IRX6: variants seen among roughly 807,000 people sequenced by gnomAD.
IRX6 encodes iroquois homeobox 6.
A neutral mutation model predicts 47.7 loss-of-function variants in IRX6; 46 were observed. That is an observed-to-expected ratio of 0.96 (90% CI 0.76 to 1.23). The LOEUF is 1.23. IRX6 is among the 50% of genes most tolerant of loss of function. IRX6 has a pLI of 0.00. For missense variants in IRX6, 722 were observed against 588.0 expected (o/e 1.23, Z -2.36); for synonymous variants, 265 against 246.2 (o/e 1.08, Z -0.72).
chr16:55,327,970 G>C (rs1960567204), intron 4 of IRX6, 77 bp downstream of exon 4: 1 of 1,440,620 alleles, frequency 6.9e-7, no homozygotes, highest in Non-Finnish European at 9.3e-7. Flanking sequence ...AAGCTGCCCT[G>C]TAGGGTAGAT....
At chr16:55,327,244 A>G (rs1170635318) in intron 2 of IRX6, 52 bp from the exon 3 acceptor site, 4 of 1,316,010 alleles carry the variant, frequency 3.0e-6, no homozygotes, top group Non-Finnish European at 4.4e-6. Context: ...CTACCACCCC[A>G]TGTGCCCCCT....
At position 55,324,693 on chromosome 16, in the gene IRX6, G is replaced by A. The variant is rs1402226306; in HGVS notation, c.-399G>A. On this transcript the variant is annotated 5_prime_UTR_variant, in exon 1 of 6. Coordinates refer to ENST00000290552, the MANE Select transcript of IRX6 (RefSeq NM_024335.3). The surrounding 1 kb of genome is among the most constrained non-coding windows in gnomAD (Gnocchi z 4.4). Reference sequence around the variant, plus strand: ...GGTGGCCCAGGGTCCCGGGGCCCGGGGTCCCGTCTGGCGGCCCGGGATTAC... The same window carrying A: ...GGTGGCCCAGGGTCCCGGGGCCCGGAGTCCCGTCTGGCGGCCCGGGATTAC... 9.1e-6 allele frequency: 2 copies of A among 218,686 alleles called. No individual in the cohort carries two copies. The highest frequency in any genetic ancestry group is 1.8e-5 in the Non-Finnish European group (2 of 110,002). The allele number at this position is 218,686 out of a possible 1,614,324, so 13.5% of individuals were successfully genotyped here.
In IRX6 at chr16:55,328,788, A is replaced by G. The variant is rs765805944; in HGVS notation, c.810A>G (p.Glu270=). Residue 270 remains glutamate (E), a synonymous_variant, in exon 5 of 6, where the codon GAA becomes GAG. Coordinates refer to ENST00000290552, the MANE Select transcript of IRX6 (RefSeq NM_024335.3). ...AGGAGGAGGAGGAGGAGGAAGCTGA[A>G]GACGAGGAGGTAGTGGCCACAGCTG... ...EEEEEEEEEA[E]DEEVVATAGD... 1.2e-6 allele frequency: 2 copies of G among 1,613,178 alleles called. No homozygotes were observed. The highest frequency in any genetic ancestry group is 1.7e-6 in the Non-Finnish European group (2 of 1,180,014).
chr16:55,328,592 A>T (rs1960579076), intron 4 of IRX6, 108 bp from the exon 5 acceptor site: 1 of 1,099,982 alleles, frequency 9.1e-7, no homozygotes, highest in African/African-American at 1.6e-5. Flanking sequence ...TACACTGAGG[A>T]TGCCCTGAGT....
rs146683202 is a variant in IRX6 at position 55,328,791 on chromosome 16, C to T, written c.813C>T (p.Asp271=). The T allele has an allele frequency of 2.3e-5, 37 of 1,613,018 alleles. No homozygotes were observed. The highest frequency in any genetic ancestry group is 2.9e-5 in the Non-Finnish European group (34 of 1,180,020). ...AGGAGGAGGAGGAGGAAGCTGAAGA[C>T]GAGGAGGTAGTGGCCACAGCTGGGG... ...EEEEEEEEAE[D]EEVVATAGDR... The change falls in exon 5 of 6, where the codon GAC becomes GAT. Residue 271 remains aspartate, a synonymous_variant. Transcript: ENST00000290552.
Position 55,324,825 on chromosome 16 carries a change from C to A in IRX6, c.-267C>A, listed in dbSNP as rs1960480114. ...CCTCGCCACCACGCGCCTTTGGGAA[C>A]CCGCATCTTCTTCCTTCCCCTGCCC... On this transcript the variant is annotated 5_prime_UTR_variant, in exon 1 of 6. Transcript: ENST00000290552. This position sits in a 1 kb window ranked among gnomAD's most constrained non-coding sequence, Gnocchi z 4.4. The A allele has an allele frequency of 3.7e-6, 2 of 544,302 alleles. No individual in the cohort carries two copies. 33.7% of individuals were successfully genotyped at this position (544,302 alleles called of 1,614,324 possible).
rs1960591363 is a variant in IRX6 at position 55,328,983 on chromosome 16, C to A, written c.1005C>A (p.Gly335=). ...EEADFLSAET[G]SPRLTMHYPC... ...CTGACTTCCTCTCGGCGGAGACAGG[C>A]AGCCCTAGGTTGACCATGCACTACC... The change falls in exon 5 of 6, where the codon GGC becomes GGA. Residue 335 remains glycine, a synonymous_variant. Transcript: ENST00000290552. The A allele has an allele frequency of 6.2e-7, 1 of 1,613,612 alleles. No homozygotes were observed. Among genetic ancestry groups the A allele is most frequent in the Non-Finnish European group, 8.5e-7 (1 of 1,180,036 alleles).
chr16:55,325,198 G>A, intron 1 of IRX6, 62 bp downstream of exon 1: 4 of 1,532,816 alleles, frequency 2.6e-6, no homozygotes, highest in Non-Finnish European at 3.6e-6. Context: ...CTAGTGCACG[G>A]CGCCTGCCTC....
rs1393711644 is a variant in IRX6 at position 55,327,469 on chromosome 16, G to C, written c.413+64G>C. ...CTTTCCTCCCCCACTGCCAAGGTAG[G>C]GTGGATGGCGGCAGGGGAGAGGGAG... is the stretch of plus-strand genomic sequence containing the variant. On this transcript the variant is annotated intron_variant, in intron 3 of 5. Coordinates refer to ENST00000290552, the MANE Select transcript of IRX6 (RefSeq NM_024335.3). 8 of 1,566,496 alleles carry C rather than the reference G, an allele frequency of 5.1e-6. No homozygotes were observed. In the African/African-American group the frequency reaches 6.8e-5, roughly 13 times the overall value.
chr16:55,327,238 C>T (rs1960546556), intron 2 of IRX6, 58 bp from the exon 3 acceptor site: 2 of 1,240,438 alleles, frequency 1.6e-6, no homozygotes, highest in Non-Finnish European at 2.4e-6. Flanking sequence ...CCTTAGCTAC[C>T]ACCCCATGTG....
rs1960503784 is a variant in IRX6, at chr16:55,325,551, GAGAGAGAGAGAA to G, written c.45+419_45+430del. On this transcript the variant is annotated intron_variant, in intron 1 of 5. Coordinates refer to ENST00000290552, the MANE Select transcript of IRX6 (RefSeq NM_024335.3). ...GGAAGGAGAGAGAGAGAGAGAGAGA[GAGAGAGAGAGAA>G]AGAAAGAGAAAGAAAGAAAGAAGGA... 7.8e-5 allele frequency among the ~76,000 whole-genome samples: 6 copies of G among 76,600 alleles called. 1 individual carries two copies. Among genetic ancestry groups the G allele is most frequent in the African/African-American group, 2.4e-4 (4 of 16,644 alleles). The allele number at this position is 76,600 out of a possible 152,430, so 50.3% of individuals were successfully genotyped here.
chr16:55,330,166 A>G (rs533750914), intron 5 of IRX6, 132 bp from the exon 6 acceptor site: 39 of 793,276 alleles, frequency 4.9e-5, no homozygotes, highest in Non-Finnish European at 4.4e-5. Context: ...AACGGATCCA[A>G]ACATTACCTC....
At position 55,327,635 on chromosome 16, in the gene IRX6, C is replaced by T. The variant is rs374226357; in HGVS notation, c.463C>T (p.Arg155Trp). 1.7e-5 allele frequency: 28 copies of T among 1,611,396 alleles called. No individual in the cohort carries two copies. Among genetic ancestry groups the T allele is most frequent in the South Asian group, 7.7e-5 (7 of 90,868 alleles). Residue 155 changes from arginine to tryptophan, a missense_variant, in exon 4 of 6, where the codon CGG becomes TGG. By Grantham distance (101) the Arg-to-Trp change is moderately radical. Transcript: ENST00000290552. ...SGAGRRKNAT[R>W]ETTSTLKAWL... ...CGCCGGTCGCCGAAAGAACGCGACC[C>T]GGGAGACCACCAGTACACTCAAGGC...
Position 55,329,123 on chromosome 16 carries a change from C to T in IRX6, c.1145C>T (p.Pro382Leu). The change falls in exon 5 of 6, where the codon CCT becomes CTT. Residue 382 changes from proline to leucine, a missense_variant. Coordinates refer to ENST00000290552, the MANE Select transcript of IRX6 (RefSeq NM_024335.3). Reference sequence around the variant, plus strand: ...CGAAGTCCTGAGTGCCGTATGATTCCTGGACAGCCTCCTGCCTCTGCCCGG... The same window carrying T: ...CGAAGTCCTGAGTGCCGTATGATTCTTGGACAGCCTCCTGCCTCTGCCCGG... ...RPRSPECRMIPGQPPASARRL... is the reference protein window; with the variant it reads ...RPRSPECRMILGQPPASARRL... 1 of 1,614,132 alleles carries T rather than the reference C, an allele frequency of 6.2e-7. No individual in the cohort carries two copies. Among genetic ancestry groups the T allele is most frequent in the South Asian group, 1.1e-5 (1 of 91,080 alleles).
rs1239522753 is a variant in IRX6 at position 55,324,412 on chromosome 16, G to T, written c.-680G>T. ...TCGCCTCCTCCGGGCCGCAGGGGAG[G>T]AGGTGAGCGCGCTGCGCCCGGGGCC... On this transcript the variant is annotated 5_prime_UTR_variant, in exon 1 of 6. Coordinates refer to ENST00000290552, the MANE Select transcript of IRX6 (RefSeq NM_024335.3). This position sits in a 1 kb window ranked among gnomAD's most constrained non-coding sequence, Gnocchi z 4.4. 1 of 152,014 alleles carries T rather than the reference G, an allele frequency of 6.6e-6. No homozygotes were observed. Among genetic ancestry groups the T allele is most frequent in the African/African-American group, 2.4e-5 (1 of 41,402 alleles). 9.4% of individuals were successfully genotyped at this position (152,014 alleles called of 1,614,324 possible). A position where few individuals can be genotyped will look rare whatever the true frequency, so the allele number is the denominator to read the frequency against.
At position 55,324,971 on chromosome 16, in the gene IRX6, C is replaced by G; in HGVS notation, c.-121C>G. On this transcript the variant is annotated 5_prime_UTR_variant, in exon 1 of 6. Transcript: ENST00000290552. The surrounding 1 kb of genome is among the most constrained non-coding windows in gnomAD (Gnocchi z 4.4). The stretch of plus-strand genomic sequence containing the variant: ...CACTGGGGCCAACCAGGCGAAGGAA[C>G]CGGCGCTGGGCATCCGCAGCGGTGT... 1.9e-6 allele frequency: 2 copies of G among 1,078,310 alleles called. No individual in the cohort carries two copies. Among genetic ancestry groups the G allele is most frequent in the Non-Finnish European group, 1.4e-6 (1 of 717,104 alleles). The allele number at this position is 1,078,310 out of a possible 1,614,324, so 66.8% of individuals were successfully genotyped here. A position where few individuals can be genotyped will look rare whatever the true frequency, so the allele number is the denominator to read the frequency against.
chr16:55,325,302 T>A (rs1182250190), intron 1 of IRX6, among the ~76,000 whole-genome samples, 166 bp downstream of exon 1: 2 of 151,156 alleles, frequency 1.3e-5, no homozygotes, highest in Non-Finnish European at 2.9e-5. Context: ...AGTCCCTAAA[T>A]GAGAACGTTT....
intron 3 of IRX6, 54 bp from the exon 4 acceptor site, chr16:55,327,532 T>G: frequency 6.3e-7 from 1 of 1,577,842 alleles, no homozygotes; most frequent in Non-Finnish European, 8.6e-7. Flanking sequence ...GACTGTCCTC[T>G]GCCTGCAGTT....
intron 5 of IRX6, among the ~76,000 whole-genome samples, chr16:55,329,550 TAGAA>T (rs778481943): frequency 6.6e-6 from 1 of 152,200 alleles, no homozygotes; most frequent in African/African-American, 2.4e-5. Flanking sequence ...TAGAATCACT[TAGAA>T]AGCCGTTCGA....
Sources: gnomAD v4.1 joint callset for allele counts (sites outside exome capture counted in the v4.1 genomes callset) on GRCh38, gnomAD v4.1.1 for gene constraint, Gnocchi (gnomAD v3.1) non-coding constraint, MANE v1.5 for transcripts, NCBI Gene and HGNC (gene_info 2026-07-23, HGNC 2026-07-21) for gene names.